Variants in ANO10 observed in about 807,000 individuals in gnomAD.
ANO10 encodes anoctamin 10.
A neutral mutation model predicts 74.7 loss-of-function variants in ANO10; 77 were observed. The observed-to-expected ratio is 1.03, with a 90% CI of 0.86 to 1.25. ANO10 has a LOEUF of 1.25. Among genes scored for constraint, ANO10 ranks in the 50% most tolerant of loss-of-function variants. ANO10 has a pLI of 0.00. For missense variants in ANO10, 721 were observed against 778.1 expected, an observed-to-expected ratio of 0.93 and a Z score of 0.87; for synonymous variants, 279 against 284.9, an observed-to-expected ratio of 0.98 and a Z score of 0.21.
At chr3:43,635,788 T>A (rs2083602867) in intron 1 of ANO10, among the ~76,000 whole-genome samples, 1 of 151,882 alleles carries the variant, frequency 6.6e-6, no homozygotes, top group African/African-American at 2.4e-5. Flanking sequence ...GCCCAGCTAA[T>A]TTTTTTGTAT....
At chr3:43,405,999 T>G (rs1490803602) in intron 12 of ANO10, among the ~76,000 whole-genome samples, 1 of 152,130 alleles carries the variant, frequency 6.6e-6, no homozygotes, top group African/African-American at 2.4e-5. Context: ...GAAAGTATAC[T>G]GTGAAAAGGA....
chr3:43,390,543 G>A (rs1267621586), intron 12 of ANO10, among the ~76,000 whole-genome samples: 1 of 152,166 alleles, frequency 6.6e-6, no homozygotes, highest in East Asian at 1.9e-4. Context: ...TCCTTAGCCC[G>A]CCACAGGTGC....
chr3:43,388,447 T>C (rs1225127726), intron 12 of ANO10, among the ~76,000 whole-genome samples: 1 of 152,052 alleles, frequency 6.6e-6, no homozygotes, highest in Non-Finnish European at 1.5e-5. Context: ...TGTGAATGCA[T>C]GCCCTTATCC....
chr3:43,672,682 C>T (rs1342776819), intron 1 of ANO10, among the ~76,000 whole-genome samples: 1 of 152,160 alleles, frequency 6.6e-6, no homozygotes, highest in East Asian at 1.9e-4. Flanking sequence ...CAAGTTATTA[C>T]ACCTTTGTCA....
chr3:43,499,602 C>T (rs1476200626), intron 11 of ANO10, among the ~76,000 whole-genome samples: 4 of 151,840 alleles, frequency 2.6e-5, no homozygotes, highest in Non-Finnish European at 5.9e-5. Context: ...TTTCAACAAT[C>T]TAGGATACCA....
At chr3:43,690,263 C>G (rs2149586549) in intron 1 of ANO10, 1 of 152,312 alleles carries the variant, frequency 6.6e-6, no homozygotes, top group Admixed American at 6.5e-5. Context: ...TTCTTCAGCT[C>G]AGGCTGGTCT....
chr3:43,684,898 A>G (rs2084254609), intron 1 of ANO10, among the ~76,000 whole-genome samples: 1 of 152,176 alleles, frequency 6.6e-6, no homozygotes, highest in Non-Finnish European at 1.5e-5. Flanking sequence ...ACATGGATGC[A>G]GGAAGGGGAA....
At chr3:43,421,924 T>A (rs1175904247) in intron 12 of ANO10, among the ~76,000 whole-genome samples, 1 of 152,184 alleles carries the variant, frequency 6.6e-6, no homozygotes, top group East Asian at 1.9e-4. Context: ...TCTAACAGTA[T>A]AATCTTTTAA....
chr3:43,426,079 T>G (rs1355180614), intron 12 of ANO10, among the ~76,000 whole-genome samples: 4 of 152,190 alleles, frequency 2.6e-5, no homozygotes, highest in Non-Finnish European at 4.4e-5. Flanking sequence ...CCAATTTGAA[T>G]CCACCTATGA....
chr3:43,564,051 AT>A (rs113116984), intron 8 of ANO10, among the ~76,000 whole-genome samples: 54 of 148,108 alleles, frequency 3.6e-4, no homozygotes, highest in East Asian at 9.8e-4. Flanking sequence ...ATCATTACAC[AT>A]TTTTTTTTTT....
rs549309455 is a variant in ANO10 at position 43,513,979 on chromosome 3, A to G, written c.1797+35741T>C. Among the ~76,000 whole-genome samples the G allele has an allele frequency of 6.6e-5, 10 of 150,418 alleles. 1 individual carries two copies. In the South Asian group the frequency reaches 1.9e-3, roughly 28 times the overall value. On this transcript the variant is annotated intron_variant, in intron 11 of 12. Transcript: ENST00000292246. ...TAACATAGATGTTTGCTGTTTTTCTATTTTTGCTTGCTATTTTTATTTTGT... is the reference window on the plus strand; with the variant it reads ...TAACATAGATGTTTGCTGTTTTTCTGTTTTTGCTTGCTATTTTTATTTTGT...
chr3:43,372,841 TTGCAGCC>T, intron 12 of ANO10: 1 of 1,535,426 alleles, frequency 6.5e-7, no homozygotes, highest in Non-Finnish European at 8.7e-7. Flanking sequence ...AGCTTGCAGC[TTGCAGCC>T]TGCAGTAGCA....
intron 1 of ANO10, among the ~76,000 whole-genome samples, chr3:43,654,807 C>T (rs1168206393): frequency 6.6e-6 from 1 of 152,170 alleles, no homozygotes; most frequent in Non-Finnish European, 1.5e-5. Context: ...GTGCACTGGA[C>T]TGGTGAAAAA....
chr3:43,591,201 T>C, intron 4 of ANO10, among the ~76,000 whole-genome samples: 1 of 152,200 alleles, frequency 6.6e-6, no homozygotes, highest in Non-Finnish European at 1.5e-5. Flanking sequence ...CCACCACTGC[T>C]GTTCGCCGCA....
In ANO10 at chr3:43,418,147, G is replaced by C. The variant is rs765543356; in HGVS notation, c.1914+14464C>G. Among the ~76,000 whole-genome samples, 51 of 152,272 alleles carry C rather than the reference G, an allele frequency of 3.3e-4. No homozygotes were observed. In the Middle Eastern group the frequency reaches 0.017, roughly 51 times the overall value. On this transcript the variant is annotated intron_variant, in intron 12 of 12. Transcript: ENST00000292246. Reference sequence around the variant, plus strand: ...AAAAAATTAGATGGGGGTGGTGGCAGGTGCCTGTAATCCCAGCTACTCAGG... The same window carrying C: ...AAAAAATTAGATGGGGGTGGTGGCACGTGCCTGTAATCCCAGCTACTCAGG...
At chr3:43,493,344 C>T (rs996708737) in intron 11 of ANO10, among the ~76,000 whole-genome samples, 2 of 151,914 alleles carry the variant, frequency 1.3e-5, no homozygotes, top group African/African-American at 4.8e-5. Flanking sequence ...TTGATAGCAC[C>T]ATGGCACATT....
At chr3:43,454,463 G>C (rs2075035799) in intron 11 of ANO10, among the ~76,000 whole-genome samples, 1 of 152,104 alleles carries the variant, frequency 6.6e-6, no homozygotes, top group Non-Finnish European at 1.5e-5. Flanking sequence ...CAGAGCCCAA[G>C]ACTGTCTGGC....
chr3:43,417,345 T>C (rs1038448365), intron 12 of ANO10, among the ~76,000 whole-genome samples: 8 of 152,120 alleles, frequency 5.3e-5, no homozygotes, highest in East Asian at 1.9e-4. Flanking sequence ...ATTTGCATAA[T>C]AACATTAGGG....
Position 43,597,793 on chromosome 3 carries a change from CAT to C in ANO10, c.472+737_472+738del, listed in dbSNP as rs201201966. On this transcript the variant is annotated intron_variant, in intron 4 of 12. Transcript: ENST00000292246. The stretch of plus-strand genomic sequence containing the variant: ...AAATAAAAAATTTTTAAAAAGTAAA[CAT>C]GTGGTCCCAGCTACTGGGGAGGCTA... Among the ~76,000 whole-genome samples, 1,488 of 151,874 alleles carry C rather than the reference CAT, an allele frequency of 9.8e-3. 17 individuals are homozygous for C. The highest frequency in any genetic ancestry group is 0.016 in the Non-Finnish European group (1,115 of 67,884).
Sources: gnomAD v4.1 joint callset for allele counts (sites outside exome capture counted in the v4.1 genomes callset) on GRCh38, gnomAD v4.1.1 for gene constraint, MANE v1.5 for transcripts, NCBI Gene and HGNC (gene_info 2026-07-23, HGNC 2026-07-21) for gene names.